The following ACAP2 variants were observed in gnomAD, a reference collection of about 807,000 sequenced individuals.
ACAP2 encodes the protein arf-GAP with coiled-coil, ANK repeat and PH domain-containing protein 2.
ACAP2 carries 39 observed loss-of-function variants against 115.8 expected under a neutral mutation model. The ratio of observed to expected loss-of-function variants is 0.34; its 90% confidence interval spans 0.26 to 0.44. The LOEUF (loss-of-function observed/expected upper bound fraction) is 0.44, where lower values mean the gene tolerates loss of function less well. ACAP2 is among the 20% of genes least tolerant of loss of function. The pLI, the probability that ACAP2 is intolerant of heterozygous loss-of-function variation, is 1.00. For missense variants in ACAP2, 662 were observed against 927.6 expected, an observed-to-expected ratio of 0.71 and a Z score of 3.72; for synonymous variants, 289 against 315.8, an observed-to-expected ratio of 0.92 and a Z score of 0.90.
chr3:195,374,906 T>C (rs964355434), intron 4 of ACAP2, among the ~76,000 whole-genome samples: 1 of 151,926 alleles, frequency 6.6e-6, no homozygotes, highest in Non-Finnish European at 1.5e-5. Flanking sequence ...TTTTAAAACA[T>C]CTGGACCATG....
intron 4 of ACAP2, among the ~76,000 whole-genome samples, chr3:195,372,467 G>A (rs979469256): frequency 2.0e-5 from 3 of 152,180 alleles, no homozygotes; most frequent in Non-Finnish European, 2.9e-5. Context: ...TCCCGGAGAC[G>A]ATCACTTTAG....
At chr3:195,434,487 C>T (rs1177995334) in intron 1 of ACAP2, among the ~76,000 whole-genome samples, 1 of 151,502 alleles carries the variant, frequency 6.6e-6, no homozygotes, top group Non-Finnish European at 1.5e-5. Context: ...CCTCCTGCCT[C>T]GGCCTCCCAA....
chr3:195,347,318 A>G (rs1731248348), intron 4 of ACAP2, among the ~76,000 whole-genome samples: 1 of 152,182 alleles, frequency 6.6e-6, no homozygotes, highest in African/African-American at 2.4e-5. Flanking sequence ...ATAGTAGGGC[A>G]TCAAGCAACA....
intron 4 of ACAP2, among the ~76,000 whole-genome samples, chr3:195,378,594 C>T (rs1733735028): frequency 6.6e-6 from 1 of 152,068 alleles, no homozygotes; most frequent in African/African-American, 2.4e-5. Flanking sequence ...GGTGCGGTGG[C>T]TCACGCCTGT....
chr3:195,296,242 T>C (rs1727650415), intron 16 of ACAP2, among the ~76,000 whole-genome samples: 1 of 152,142 alleles, frequency 6.6e-6, no homozygotes, highest in Non-Finnish European at 1.5e-5. Flanking sequence ...TAAAAATTTA[T>C]AGAAAGTAAC....
At chr3:195,427,448 T>A (rs1714769086) in intron 1 of ACAP2, among the ~76,000 whole-genome samples, 1 of 152,100 alleles carries the variant, frequency 6.6e-6, no homozygotes, top group Non-Finnish European at 1.5e-5. Context: ...GTTAGATGAC[T>A]TCTTCACTGG....
chr3:195,407,981 C>A (rs772919656), intron 1 of ACAP2, among the ~76,000 whole-genome samples: 1 of 151,992 alleles, frequency 6.6e-6, no homozygotes, highest in Non-Finnish European at 1.5e-5. Context: ...GACATTATTA[C>A]CAATTCCAGA....
intron 1 of ACAP2, among the ~76,000 whole-genome samples, chr3:195,398,835 T>C (rs1178159071): frequency 6.6e-6 from 1 of 152,046 alleles, no homozygotes; most frequent in Non-Finnish European, 1.5e-5. Flanking sequence ...AATTCAGTCC[T>C]GTAATAGGAA....
chr3:195,316,202 TG>T (rs1276250953), intron 10 of ACAP2, among the ~76,000 whole-genome samples: 1 of 151,624 alleles, frequency 6.6e-6, no homozygotes, highest in Non-Finnish European at 1.5e-5. Flanking sequence ...GGGTTTTTTT[TG>T]TTTTTTTTTT....
chr3:195,289,376 C>T, intron 20 of ACAP2, 145 bp from the exon 21 acceptor site: 4 of 658,374 alleles, frequency 6.1e-6, no homozygotes, highest in Non-Finnish European at 8.0e-6. Context: ...AACACTAACT[C>T]TACTAACAAA....
chr3:195,442,423 G>A (rs903835775), intron 1 of ACAP2: 14 of 357,032 alleles, frequency 3.9e-5, no homozygotes, highest in African/African-American at 2.6e-4. Context: ...GAAGGAAGGG[G>A]GAAGGAAGAG....
intron 13 of ACAP2, among the ~76,000 whole-genome samples, chr3:195,305,726 T>C (rs1728378564): frequency 6.6e-6 from 1 of 152,080 alleles, no homozygotes; most frequent in African/African-American, 2.4e-5. Flanking sequence ...TTCCCATCAT[T>C]TGTACCCAGA....
chr3:195,304,131 A>C (rs2108973604), intron 13 of ACAP2, among the ~76,000 whole-genome samples: 1 of 121,344 alleles, frequency 8.2e-6, no homozygotes, highest in East Asian at 2.9e-4. Context: ...GCCCCTGCAC[A>C]CCAGCCTGGG....
At chr3:195,286,983 T>A (rs540861933) in intron 21 of ACAP2, among the ~76,000 whole-genome samples, 2 of 152,366 alleles carry the variant, frequency 1.3e-5, no homozygotes, top group Admixed American at 1.3e-4. Context: ...GCCTCCATAA[T>A]AACAGTAACC....
chr3:195,285,861 A>C lies in ACAP2; in HGVS notation c.2175-4T>G. 2 of 1,601,286 alleles carry C rather than the reference A, an allele frequency of 1.2e-6. No individual in the cohort carries two copies. Among genetic ancestry groups the C allele is most frequent in the Non-Finnish European group, 1.7e-6 (2 of 1,171,998 alleles). The stretch of plus-strand genomic sequence containing the variant: ...ATTCATTCTTGCTAAACGTAACCTA[A>C]AAATAAATAAAATAGTGTTTTAGAT... On this transcript the variant is annotated splice_region_variant and splice_polypyrimidine_tract_variant and intron_variant, in intron 21 of 22. Transcript: ENST00000326793.
chr3:195,298,303 G>T (rs963908987), intron 15 of ACAP2, among the ~76,000 whole-genome samples: 1 of 137,854 alleles, frequency 7.3e-6, no homozygotes, highest in Non-Finnish European at 1.5e-5. Context: ...TCACCTAGGC[G>T]GTAGTGCAGT....
At chr3:195,329,236 T>C (rs145112328) in intron 8 of ACAP2, among the ~76,000 whole-genome samples, 91 of 152,226 alleles carry the variant, frequency 6.0e-4, no homozygotes, top group African/African-American at 2.1e-3. Context: ...GTTGGGGAAA[T>C]GTGAAGACTG....
At chr3:195,396,571 T>C (rs1351535407) in intron 1 of ACAP2, among the ~76,000 whole-genome samples, 1 of 151,878 alleles carries the variant, frequency 6.6e-6, no homozygotes, top group African/African-American at 2.4e-5. Context: ...GCAGATCACT[T>C]GAGGTCAGGA....
chr3:195,399,724 G>C (rs1712110971), intron 1 of ACAP2, among the ~76,000 whole-genome samples: 1 of 151,922 alleles, frequency 6.6e-6, no homozygotes, highest in African/African-American at 2.4e-5. Context: ...AATTGAAAAA[G>C]CAACCAAATC....
Sources: allele counts gnomAD v4.1 joint callset (sites outside exome capture counted in the v4.1 genomes callset), GRCh38; gene constraint gnomAD v4.1.1; transcripts MANE v1.5; gene names NCBI Gene and HGNC (gene_info 2026-07-23, HGNC 2026-07-21).